EXT2: variants seen among roughly 807,000 people sequenced by gnomAD.
EXT2 encodes the protein exostosin glycosyltransferase 2.
A neutral mutation model predicts 81.6 loss-of-function variants in EXT2; 53 were observed. That is an observed-to-expected ratio of 0.65 (90% CI 0.52 to 0.82). The LOEUF (loss-of-function observed/expected upper bound fraction) is 0.82, where lower values mean the gene tolerates loss of function less well. Ranked by LOEUF, EXT2 falls within the 40% of genes least tolerant of loss-of-function variation. The pLI, the probability that EXT2 is intolerant of heterozygous loss-of-function variation, is 0.00. For missense variants in EXT2, 774 were observed against 910.2 expected, an observed-to-expected ratio of 0.85 and a Z score of 1.93; for synonymous variants, 320 against 340.0, an observed-to-expected ratio of 0.94 and a Z score of 0.65.
chr11:44,218,220 C>T (rs1378387683), intron 10 of EXT2, among the ~76,000 whole-genome samples: 1 of 152,126 alleles, frequency 6.6e-6, no homozygotes, highest in Non-Finnish European at 1.5e-5. Flanking sequence ...GCATGGAATG[C>T]CCCAGTTTTT....
intron 8 of EXT2, among the ~76,000 whole-genome samples, chr11:44,186,037 G>C (rs986008171): frequency 1.4e-4 from 22 of 152,214 alleles, no homozygotes; most frequent in Admixed American, 5.9e-4. Flanking sequence ...GTTTGAATCA[G>C]ATAAGTCACT....
At chr11:44,096,220 G>T (rs1271288484) in intron 1 of EXT2, 1 of 1,533,152 alleles carries the variant, frequency 6.5e-7, no homozygotes, top group South Asian at 1.2e-5. Context: ...CCACCTTCCC[G>T]CCAGCCACAG....
intron 10 of EXT2, among the ~76,000 whole-genome samples, chr11:44,218,793 C>CTTTTTTTT (rs11368525): frequency 9.8e-5 from 9 of 92,294 alleles, no homozygotes; most frequent in Admixed American, 3.2e-4. Context: ...ATCTGCAATT[C>CTTTTTTTT]TTTTTTTTTT....
chr11:44,199,585 G>A (rs1367499338), intron 9 of EXT2, among the ~76,000 whole-genome samples: 1 of 152,268 alleles, frequency 6.6e-6, no homozygotes, highest in Non-Finnish European at 1.5e-5. Flanking sequence ...AGGCAGAGTT[G>A]CAAATTCTAG....
chr11:44,170,095 A>G (rs186090198), intron 7 of EXT2, among the ~76,000 whole-genome samples: 228 of 152,354 alleles, frequency 1.5e-3, no homozygotes, highest in Non-Finnish European at 2.8e-3. Context: ...AAAATAAACA[A>G]TGTGCTGGAC....
chr11:44,205,452 G>A (rs1056873471), intron 9 of EXT2, among the ~76,000 whole-genome samples: 5 of 152,212 alleles, frequency 3.3e-5, no homozygotes, highest in African/African-American at 1.2e-4. Context: ...GTGGCCTATA[G>A]GGTTATTTCT....
intron 7 of EXT2, among the ~76,000 whole-genome samples, chr11:44,154,844 G>A (rs1954837296): frequency 6.6e-6 from 1 of 152,108 alleles, no homozygotes; most frequent in Non-Finnish European, 1.5e-5. Flanking sequence ...TAACTAGGAG[G>A]AGATGATATC....
rs1472401440 is a variant in EXT2, at chr11:44,245,974, C to G, written c.*1687C>G. On this transcript the variant is annotated 3_prime_UTR_variant, in exon 14 of 14. Coordinates refer to ENST00000533608, the MANE Select transcript of EXT2 (RefSeq NM_207122.2). ...TGAAGTGATTTTTTTCAGTTTCTGA[C>G]AGCAGCAAACACAGGTGCTTACCAA... Among the ~76,000 whole-genome samples, 1 of 152,188 alleles carries G rather than the reference C, an allele frequency of 6.6e-6. No individual in the cohort carries two copies. The highest frequency in any genetic ancestry group is 1.5e-5 in the Non-Finnish European group (1 of 68,038).
chr11:44,168,821 A>G (rs1209522899), intron 7 of EXT2, among the ~76,000 whole-genome samples: 1 of 152,246 alleles, frequency 6.6e-6, no homozygotes, highest in Non-Finnish European at 1.5e-5. Flanking sequence ...ACAGTGAAAT[A>G]AATAACAAAA....
rs1956122307 is a variant in EXT2 at position 44,249,386 on chromosome 11, A to G, written c.*5099A>G. Among the ~76,000 whole-genome samples, 1 of 152,182 alleles carries G rather than the reference A, an allele frequency of 6.6e-6. No homozygotes were observed. The highest frequency in any genetic ancestry group is 2.4e-5 in the African/African-American group (1 of 41,442). On this transcript the variant is annotated 3_prime_UTR_variant, in exon 14 of 14. Coordinates refer to ENST00000533608, the MANE Select transcript of EXT2 (RefSeq NM_207122.2). ...CACTCTCCCTGAAAGGCACAGAACT[A>G]TCAGACAGAAGACAAGGTAGTTCTC...
At chr11:44,218,565 G>A (rs1398085693) in intron 10 of EXT2, among the ~76,000 whole-genome samples, 1 of 152,128 alleles carries the variant, frequency 6.6e-6, no homozygotes, top group African/African-American at 2.4e-5. Flanking sequence ...GATTGTGCTA[G>A]TGGAAAATCT....
At chr11:44,109,363 CA>C in intron 3 of EXT2, 80 bp downstream of exon 3, 1 of 1,191,890 alleles carries the variant, frequency 8.4e-7, no homozygotes, top group Non-Finnish European at 1.2e-6. Context: ...CTAAATCTAC[CA>C]CATACTTTGT....
chr11:44,153,493 A>G (rs536160459), intron 7 of EXT2, among the ~76,000 whole-genome samples: 16 of 152,104 alleles, frequency 1.1e-4, no homozygotes, highest in African/African-American at 3.6e-4. Context: ...TTCCCAATAT[A>G]TATACCTTGT....
intron 7 of EXT2, among the ~76,000 whole-genome samples, chr11:44,136,182 A>T (rs1489315120): frequency 6.6e-6 from 1 of 152,228 alleles, no homozygotes; most frequent in Non-Finnish European, 1.5e-5. Context: ...GCTGCTGGCC[A>T]GTCTGTTATG....
intron 3 of EXT2, among the ~76,000 whole-genome samples, chr11:44,110,449 C>T (rs1954127054): frequency 6.6e-6 from 1 of 152,136 alleles, no homozygotes; most frequent in Admixed American, 6.5e-5. Context: ...AGGGTAATTC[C>T]GGATTTGGCT....
At chr11:44,155,872 C>T (rs562690260) in intron 7 of EXT2, among the ~76,000 whole-genome samples, 81 of 152,234 alleles carry the variant, frequency 5.3e-4, no homozygotes, top group African/African-American at 1.9e-3. Context: ...TTGTTAACAT[C>T]CTTTTCTTTC....
chr11:44,243,011 T>C (rs1165207472), intron 13 of EXT2, among the ~76,000 whole-genome samples: 1 of 152,168 alleles, frequency 6.6e-6, no homozygotes, highest in African/African-American at 2.4e-5. Context: ...CAGTAAATGG[T>C]AGTTGTTGCT....
At chr11:44,126,715 C>A (rs1379396186) in intron 5 of EXT2, 101 bp from the exon 6 acceptor site, 1 of 1,490,710 alleles carries the variant, frequency 6.7e-7, no homozygotes, top group Non-Finnish European at 9.3e-7. Flanking sequence ...CTCAGTATTG[C>A]TTGGCGTCAA....
chr11:44,119,926 T>A (rs1323709087), intron 4 of EXT2, among the ~76,000 whole-genome samples: 2 of 152,198 alleles, frequency 1.3e-5, no homozygotes. Flanking sequence ...CAGTGCACTT[T>A]TCTTGAGACC....
Sources: gnomAD v4.1 joint callset for allele counts (sites outside exome capture counted in the v4.1 genomes callset) on GRCh38, gnomAD v4.1.1 for gene constraint, MANE v1.5 for transcripts, NCBI Gene and HGNC (gene_info 2026-07-23, HGNC 2026-07-21) for gene names.